Variants in KCNIP1 observed in about 807,000 individuals in gnomAD.
The protein encoded by KCNIP1 is potassium voltage-gated channel interacting protein 1.
Under a neutral mutation model 33.0 loss-of-function variants are expected in KCNIP1, and 18 were observed. The observed-to-expected ratio is 0.55, with a 90% CI of 0.38 to 0.81. The LOEUF is 0.81. Among genes scored for constraint, KCNIP1 ranks in the 30% least tolerant of loss-of-function variants. The pLI, the probability that KCNIP1 is intolerant of heterozygous loss-of-function variation, is 0.00. For synonymous variants in KCNIP1, 93 were observed against 98.3 expected (o/e 0.95, Z 0.32); for missense variants, 238 against 271.6 (o/e 0.88, Z 0.87).
chr5:170,461,706 A>T (rs1756504178), intron 1 of KCNIP1, among the ~76,000 whole-genome samples: 1 of 151,500 alleles, frequency 6.6e-6, no homozygotes, highest in South Asian at 2.1e-4. Flanking sequence ...GCTGAGATAG[A>T]GCCACTGCAC....
intron 1 of KCNIP1, among the ~76,000 whole-genome samples, chr5:170,474,904 AC>A (rs1756819530): frequency 6.6e-6 from 1 of 152,092 alleles, no homozygotes; most frequent in Non-Finnish European, 1.5e-5. Context: ...GTAGAAGGGG[AC>A]CCCACTGGGT....
intron 1 of KCNIP1, among the ~76,000 whole-genome samples, chr5:170,516,886 C>T (rs1487804511): frequency 6.6e-6 from 1 of 152,108 alleles, no homozygotes; most frequent in East Asian, 1.9e-4. Flanking sequence ...TAAGGCAGTG[C>T]ATACGTGGTG....
chr5:170,676,925 G>A (rs1481037630), intron 1 of KCNIP1, among the ~76,000 whole-genome samples: 5 of 152,134 alleles, frequency 3.3e-5, no homozygotes, highest in Admixed American at 1.3e-4. Context: ...CATTTGCCTG[G>A]AAGAAAGATC....
chr5:170,721,696 C>G, intron 3 of KCNIP1, 137 bp from the exon 4 acceptor site: 2 of 1,591,090 alleles, frequency 1.3e-6, no homozygotes, highest in Non-Finnish European at 1.7e-6. Flanking sequence ...TCAATGGGCC[C>G]CACTCCATAA....
chr5:170,701,748 G>T (rs959113917), intron 1 of KCNIP1, among the ~76,000 whole-genome samples: 5 of 152,158 alleles, frequency 3.3e-5, no homozygotes, highest in African/African-American at 4.8e-5. Context: ...TATCTGCAGG[G>T]GTTCTTTTGA....
intron 1 of KCNIP1, among the ~76,000 whole-genome samples, chr5:170,535,577 T>C (rs1755954179): frequency 6.6e-6 from 1 of 152,070 alleles, no homozygotes; most frequent in African/African-American, 2.4e-5. Context: ...CCCAAACTCT[T>C]TGTAAATCCA....
intron 1 of KCNIP1, among the ~76,000 whole-genome samples, chr5:170,664,935 G>T (rs566700226): frequency 6.6e-6 from 1 of 152,238 alleles, no homozygotes; most frequent in South Asian, 2.1e-4. Flanking sequence ...CGAACTAACT[G>T]AGTGTCTCAC....
At chr5:170,700,194 T>G (rs1763045832) in intron 1 of KCNIP1, among the ~76,000 whole-genome samples, 1 of 152,076 alleles carries the variant, frequency 6.6e-6, no homozygotes. Flanking sequence ...ACGCTCTCCC[T>G]CACTCATCAC....
chr5:170,496,768 C>T (rs1757318815), intron 1 of KCNIP1, among the ~76,000 whole-genome samples: 1 of 152,182 alleles, frequency 6.6e-6, no homozygotes, highest in South Asian at 2.1e-4. Context: ...CTCACCCGTC[C>T]ACCCTCAACC....
chr5:170,436,681 T>G (rs1467547889), intron 1 of KCNIP1, among the ~76,000 whole-genome samples: 1 of 152,186 alleles, frequency 6.6e-6, no homozygotes. Flanking sequence ...ATGTGTGTGT[T>G]CCCCTGTTTT....
At chr5:170,499,796 C>A (rs536567596), upstream of KCNIP1, among the ~76,000 whole-genome samples, 28 of 152,276 alleles carry the variant, frequency 1.8e-4, no homozygotes, top group African/African-American at 6.7e-4. Flanking sequence ...TAAACTCAGA[C>A]AAGCACATGC....
intron 1 of KCNIP1, among the ~76,000 whole-genome samples, chr5:170,670,867 G>C (rs1761890277): frequency 6.6e-6 from 1 of 151,020 alleles, no homozygotes. Flanking sequence ...CTGCACTCCA[G>C]CCTGGGCGAC....
chr5:170,657,701 G>A (rs1490374173), intron 1 of KCNIP1, among the ~76,000 whole-genome samples: 1 of 152,284 alleles, frequency 6.6e-6, no homozygotes, highest in African/African-American at 2.4e-5. Flanking sequence ...AGACTTTGGC[G>A]CTAGTGCAAA....
At chr5:170,481,961 G>A (rs1363749877) in intron 1 of KCNIP1, among the ~76,000 whole-genome samples, 1 of 152,192 alleles carries the variant, frequency 6.6e-6, no homozygotes, top group Non-Finnish European at 1.5e-5. Context: ...CTTTGTTTCT[G>A]TAGGTAGTAA....
intron 1 of KCNIP1, among the ~76,000 whole-genome samples, chr5:170,673,113 G>A (rs1240663771): frequency 6.6e-6 from 1 of 152,322 alleles, no homozygotes; most frequent in South Asian, 2.1e-4. Context: ...ATGAAAATGT[G>A]TTATTTAAAA....
intron 1 of KCNIP1, among the ~76,000 whole-genome samples, chr5:170,699,271 C>T (rs979867863): frequency 5.3e-5 from 8 of 152,120 alleles, no homozygotes; most frequent in African/African-American, 1.7e-4. Context: ...AAAGATGAGA[C>T]AGATTGACAC....
intron 1 of KCNIP1, among the ~76,000 whole-genome samples, chr5:170,524,536 T>C (rs1755497064): frequency 6.6e-6 from 1 of 152,106 alleles, no homozygotes; most frequent in African/African-American, 2.4e-5. Context: ...AACCCATCCA[T>C]GGGGTTGTTG....
At chr5:170,647,691 AT>A (rs1760839649) in intron 1 of KCNIP1, among the ~76,000 whole-genome samples, 1 of 152,216 alleles carries the variant, frequency 6.6e-6, no homozygotes, top group Non-Finnish European at 1.5e-5. Context: ...ATAACATGGA[AT>A]CATATCTAGA....
At chr5:170,381,985 A>C (rs827775) in intron 1 of KCNIP1, among the ~76,000 whole-genome samples, 69,694 of 151,614 alleles carry the variant, frequency 0.46, 16,854 homozygotes, top group African/African-American at 0.61. Context: ...CCCACTTCTC[A>C]TTGACCTTCA....
Sources: gnomAD v4.1 joint callset for allele counts (sites outside exome capture counted in the v4.1 genomes callset) on GRCh38, gnomAD v4.1.1 for gene constraint, MANE v1.5 for transcripts, NCBI Gene and HGNC (gene_info 2026-07-23, HGNC 2026-07-21) for gene names.